The following ABLIM1 variants were observed in gnomAD, a reference collection of about 807,000 sequenced individuals.
ABLIM1 encodes the protein actin-binding LIM protein 1.
ABLIM1 carries 40 observed loss-of-function variants against 107.0 expected under a neutral mutation model. That is an observed-to-expected ratio of 0.37 (90% CI 0.29 to 0.49). The LOEUF is 0.49. Among genes scored for constraint, ABLIM1 ranks in the 20% least tolerant of loss-of-function variants. The pLI is 0.97. For missense variants in ABLIM1, 857 were observed against 1,008.5 expected (o/e 0.85, Z 2.04); for synonymous variants, 357 against 357.3 (o/e 1.00, Z 0.01).
chr10:114,516,802 A>G (rs2062893131), intron 6 of ABLIM1, among the ~76,000 whole-genome samples: 1 of 152,244 alleles, frequency 6.6e-6, no homozygotes, highest in African/African-American at 2.4e-5. Context: ...TAAAACTCTC[A>G]GGGCTTACAA....
At chr10:114,560,987 G>A (rs1300925757) in intron 4 of ABLIM1, among the ~76,000 whole-genome samples, 1 of 152,220 alleles carries the variant, frequency 6.6e-6, no homozygotes, top group Non-Finnish European at 1.5e-5. Context: ...CACATTTGCA[G>A]TGAATGCATT....
chr10:114,584,321 C>T (rs1486682092), intron 2 of ABLIM1, among the ~76,000 whole-genome samples: 1 of 152,046 alleles, frequency 6.6e-6, no homozygotes, highest in Non-Finnish European at 1.5e-5. Context: ...TGCCTCTGTC[C>T]CCCAACTAAA....
intron 6 of ABLIM1, among the ~76,000 whole-genome samples, chr10:114,523,444 G>A (rs1421041424): frequency 6.6e-6 from 1 of 152,114 alleles, no homozygotes; most frequent in African/African-American, 2.4e-5. Context: ...TTCAACTGGC[G>A]AGTTTTCTTA....
intron 1 of ABLIM1, among the ~76,000 whole-genome samples, chr10:114,730,239 A>C (rs944842468): frequency 6.6e-6 from 1 of 151,944 alleles, no homozygotes; most frequent in Non-Finnish European, 1.5e-5. Flanking sequence ...CTCTACTAAA[A>C]ATACAAAAAT....
chr10:114,603,029 G>A (rs981486083), intron 1 of ABLIM1, among the ~76,000 whole-genome samples: 2 of 152,170 alleles, frequency 1.3e-5, no homozygotes, highest in Non-Finnish European at 2.9e-5. Flanking sequence ...TCAGAAGGAG[G>A]AACATGGTGA....
At chr10:114,508,663 T>C (rs576179427) in intron 6 of ABLIM1, among the ~76,000 whole-genome samples, 1 of 152,348 alleles carries the variant, frequency 6.6e-6, no homozygotes, top group South Asian at 2.1e-4. Context: ...CATTCCAGCC[T>C]GGGCAACAAA....
At chr10:114,781,416 AT>A in the ABLIM1 span, among the ~76,000 whole-genome samples, 1 of 151,838 alleles carries the variant, frequency 6.6e-6, no homozygotes, top group Non-Finnish European at 1.5e-5. Context: ...AGGCAGGAGG[AT>A]CACTTGAGCC....
the ABLIM1 span, among the ~76,000 whole-genome samples, chr10:114,782,884 T>A: frequency 3.8e-4 from 58 of 152,164 alleles, 1 homozygote; most frequent in African/African-American, 1.3e-3. Context: ...GGCTGAGGAA[T>A]AGGGAAGAAC....
chr10:114,630,952 A>G (rs1261790387), intron 1 of ABLIM1, among the ~76,000 whole-genome samples: 2 of 152,198 alleles, frequency 1.3e-5, no homozygotes, highest in African/African-American at 4.8e-5. Flanking sequence ...TTTTATATTC[A>G]TATGTGTCTG....
chr10:114,608,020 C>A (rs1339941161), intron 1 of ABLIM1, among the ~76,000 whole-genome samples: 2 of 152,168 alleles, frequency 1.3e-5, no homozygotes, highest in Non-Finnish European at 2.9e-5. Flanking sequence ...ACAGGAAATA[C>A]CTGTATTATC....
Position 114,436,377 on chromosome 10 carries a change from G to GA in ABLIM1, c.2224-5_2224-4insT. The GA allele has an allele frequency of 6.3e-7, 1 of 1,598,402 alleles. No individual in the cohort carries two copies. The highest frequency in any genetic ancestry group is 8.5e-7 in the Non-Finnish European group (1 of 1,174,118). ...ACACTTCAGGGGCTAAGTGGCGCTG[G>GA]GAAGAAGAAAAAAAAAAAAGAGCTG... On this transcript the variant is annotated splice_region_variant and splice_polypyrimidine_tract_variant and intron_variant, in intron 22 of 22. Coordinates refer to ENST00000533213, the MANE Select transcript of ABLIM1 (RefSeq NM_002313.7).
At chr10:114,469,652 T>C (rs2066057281) in intron 10 of ABLIM1, among the ~76,000 whole-genome samples, 1 of 152,230 alleles carries the variant, frequency 6.6e-6, no homozygotes, top group African/African-American at 2.4e-5. Context: ...TAAAATTATA[T>C]TACATATCTG....
intron 6 of ABLIM1, among the ~76,000 whole-genome samples, chr10:114,524,524 GA>G (rs1159275986): frequency 2.0e-5 from 3 of 149,602 alleles, no homozygotes; most frequent in Non-Finnish European, 3.0e-5. Context: ...GATTCTAGAA[GA>G]AAAAAAAACT....
Position 114,649,086 on chromosome 10 carries a change from G to T in ABLIM1, c.244+8871C>A, listed in dbSNP as rs143593276. Among the ~76,000 whole-genome samples the T allele has an allele frequency of 4.2e-4, 64 of 152,124 alleles. 1 individual carries two copies. In the East Asian group the frequency reaches 0.012, roughly 28 times the overall value. Reference sequence around the variant, plus strand: ...AAGTCATTTACTTCTCTGGACCTCAGTCTCTTACTTCCTACAAAAGTAAGG... The same window carrying T: ...AAGTCATTTACTTCTCTGGACCTCATTCTCTTACTTCCTACAAAAGTAAGG... On this transcript the variant is annotated intron_variant, in intron 1 of 22. Transcript: ENST00000533213.
At chr10:114,604,181 TA>T (rs2076250335) in intron 1 of ABLIM1, among the ~76,000 whole-genome samples, 1 of 152,076 alleles carries the variant, frequency 6.6e-6, no homozygotes. Flanking sequence ...AGTTGACAGA[TA>T]AGGAAACAGA....
chr10:114,719,874 A>C (rs2081798231), intron 1 of ABLIM1, among the ~76,000 whole-genome samples: 2 of 152,218 alleles, frequency 1.3e-5, no homozygotes, highest in Admixed American at 6.5e-5. Flanking sequence ...TATCTTATAA[A>C]ACTAAGCCAT....
chr10:114,698,662 G>C (rs2081245045), intron 1 of ABLIM1, among the ~76,000 whole-genome samples: 1 of 152,132 alleles, frequency 6.6e-6, no homozygotes, highest in South Asian at 2.1e-4. Context: ...CACCCTAAAA[G>C]CTATCAGATA....
chr10:114,537,348 C>T (rs966132948), intron 6 of ABLIM1, among the ~76,000 whole-genome samples: 1 of 152,066 alleles, frequency 6.6e-6, no homozygotes, highest in Non-Finnish European at 1.5e-5. Context: ...GTCAGGGTAT[C>T]TGGAGTATTT....
intron 1 of ABLIM1, among the ~76,000 whole-genome samples, chr10:114,754,392 G>A (rs2142480944): frequency 6.6e-6 from 1 of 152,306 alleles, no homozygotes; most frequent in East Asian, 1.9e-4. Context: ...TCAGGACAAG[G>A]ATCTGGAAAT....
Sources: allele counts gnomAD v4.1 joint callset (sites outside exome capture counted in the v4.1 genomes callset), GRCh38; gene constraint gnomAD v4.1.1; transcripts MANE v1.5; gene names NCBI Gene and HGNC (gene_info 2026-07-23, HGNC 2026-07-21).